The following ITPRID1 variants were observed in gnomAD, a reference collection of about 807,000 sequenced individuals.
ITPRID1 encodes ITPR interacting domain containing 1.
Under a neutral mutation model 95.4 loss-of-function variants are expected in ITPRID1, and 96 were observed. That is an observed-to-expected ratio of 1.01 (90% CI 0.85 to 1.19). The LOEUF (loss-of-function observed/expected upper bound fraction) is 1.19. ITPRID1 is among the 50% of genes most tolerant of loss of function. The pLI, the probability that ITPRID1 is intolerant of heterozygous loss-of-function variation, is 0.00. For missense variants in ITPRID1, 1,339 were observed against 1,252.9 expected (o/e 1.07, Z -1.04); for synonymous variants, 510 against 453.6 (o/e 1.12, Z -1.58).
At chr7:31,652,165 C>A in intron 14 of ITPRID1, 115 bp downstream of exon 14, 1 of 824,378 alleles carries the variant, frequency 1.2e-6, no homozygotes, top group Non-Finnish European at 2.0e-6. Context: ...ATGCCAACAC[C>A]TTCATTTTAA....
In ITPRID1 at chr7:31,558,832, T is replaced by G. The variant is rs1583496639; in HGVS notation, c.256+3931T>G. ...TGTCATTAAGTTTATCTCTAACTTT[T>G]CTTTACTTCTGTGAGCCAATTTTGG... On this transcript the variant is annotated intron_variant, in intron 5 of 14. Transcript: ENST00000615280. Among the ~76,000 whole-genome samples, 3 of 152,130 alleles carry G rather than the reference T, an allele frequency of 2.0e-5. 1 individual carries two copies. Among genetic ancestry groups the G allele is most frequent in the South Asian group, 4.2e-4 (2 of 4,782 alleles).
intron 2 of ITPRID1, among the ~76,000 whole-genome samples, chr7:31,551,552 T>G (rs1214717871): frequency 7.0e-6 from 1 of 143,758 alleles, no homozygotes; most frequent in Non-Finnish European, 1.6e-5. Context: ...TCTTCATTTT[T>G]GTTTTTTAAC....
At chr7:31,621,204 C>T (rs1787851177) in intron 10 of ITPRID1, among the ~76,000 whole-genome samples, 1 of 152,078 alleles carries the variant, frequency 6.6e-6, no homozygotes, top group Non-Finnish European at 1.5e-5. Context: ...TCCAGGAGAA[C>T]TTCCCCAATC....
chr7:31,593,143 A>G (rs1785938370), intron 10 of ITPRID1, among the ~76,000 whole-genome samples: 1 of 152,042 alleles, frequency 6.6e-6, no homozygotes, highest in African/African-American at 2.4e-5. Context: ...CATCGCTACT[A>G]AAAATACAAA....
intron 1 of ITPRID1, among the ~76,000 whole-genome samples, chr7:31,516,359 T>C (rs1195572551): frequency 1.3e-5 from 2 of 152,242 alleles, no homozygotes; most frequent in Non-Finnish European, 2.9e-5. Flanking sequence ...TATCAAACCT[T>C]AGACTCTATA....
chr7:31,521,046 AT>A (rs1290787957), intron 1 of ITPRID1, among the ~76,000 whole-genome samples: 1 of 134,594 alleles, frequency 7.4e-6, no homozygotes, highest in East Asian at 2.4e-4. Context: ...GGTTTCATTG[AT>A]TTTTTTTCAT....
At position 31,581,030 on chromosome 7, in the gene ITPRID1, A is replaced by C. The variant is rs190795541; in HGVS notation, c.1171-2104A>C. Among the ~76,000 whole-genome samples, 793 of 152,356 alleles carry C rather than the reference A, an allele frequency of 5.2e-3. 4 individuals carry two copies. The highest frequency in any genetic ancestry group is 9.1e-3 in the Non-Finnish European group (620 of 68,028). On this transcript the variant is annotated intron_variant, in intron 9 of 14. Coordinates refer to ENST00000615280, the MANE Select transcript of ITPRID1 (RefSeq NM_001257967.3). ...GTGGATGAGTAAATGAAGCTTGGGTAGATTGCATCTTAAACAGAAGCCAAT... is the reference window on the plus strand; with the variant it reads ...GTGGATGAGTAAATGAAGCTTGGGTCGATTGCATCTTAAACAGAAGCCAAT...
At chr7:31,603,220 C>A (rs895210698) in intron 10 of ITPRID1, among the ~76,000 whole-genome samples, 7 of 152,120 alleles carry the variant, frequency 4.6e-5, no homozygotes, top group Non-Finnish European at 7.4e-5. Context: ...TGACATGGAA[C>A]CTCACTATTA....
chr7:31,582,513 A>G (rs899310257), intron 9 of ITPRID1, among the ~76,000 whole-genome samples: 1 of 152,114 alleles, frequency 6.6e-6, no homozygotes, highest in Non-Finnish European at 1.5e-5. Context: ...TGCCTCCCAA[A>G]GTGTTGAGAT....
At chr7:31,566,364 C>T (rs930302058) in intron 5 of ITPRID1, among the ~76,000 whole-genome samples, 1 of 152,176 alleles carries the variant, frequency 6.6e-6, no homozygotes, top group Non-Finnish European at 1.5e-5. Flanking sequence ...CTAGGAAACC[C>T]AGAGCAATAG....
chr7:31,638,438 C>T (rs948774263), intron 10 of ITPRID1, among the ~76,000 whole-genome samples: 6 of 152,094 alleles, frequency 3.9e-5, no homozygotes, highest in Admixed American at 6.5e-5. Flanking sequence ...ACAAACTATC[C>T]GGTTTTATAA....
chr7:31,611,592 A>AATTCTAT (rs56884010), intron 10 of ITPRID1, among the ~76,000 whole-genome samples: 25 of 151,754 alleles, frequency 1.6e-4, no homozygotes, highest in Admixed American at 1.5e-3. Context: ...TATTCTATAG[A>AATTCTAT]ATTCTATATT....
intron 2 of ITPRID1, among the ~76,000 whole-genome samples, chr7:31,552,084 G>C (rs554218779): frequency 1.4e-5 from 2 of 143,324 alleles, no homozygotes; most frequent in African/African-American, 4.9e-5. Flanking sequence ...TGCGGAGACC[G>C]AACAATTTCT....
At chr7:31,630,238 AC>A (rs1456016010) in intron 10 of ITPRID1, among the ~76,000 whole-genome samples, 1 of 53,808 alleles carries the variant, frequency 1.9e-5, no homozygotes. Context: ...AATAGAGTCT[AC>A]TTGGCAAAAA....
chr7:31,516,265 C>T (rs1239033113), intron 1 of ITPRID1, among the ~76,000 whole-genome samples: 3 of 151,954 alleles, frequency 2.0e-5, no homozygotes, highest in Admixed American at 6.6e-5. Flanking sequence ...AAGGTTTCTG[C>T]GTGTGTGTGC....
chr7:31,572,748 TA>T (rs1205956213), intron 7 of ITPRID1, among the ~76,000 whole-genome samples: 6 of 152,166 alleles, frequency 3.9e-5, no homozygotes, highest in Non-Finnish European at 8.8e-5. Flanking sequence ...CATTAAGTAT[TA>T]CTTAAAAAGT....
intron 2 of ITPRID1, among the ~76,000 whole-genome samples, chr7:31,549,827 T>C (rs1784223936): frequency 6.6e-6 from 1 of 152,132 alleles, no homozygotes; most frequent in South Asian, 2.1e-4. Flanking sequence ...TAAAACACAG[T>C]CTGTATTCTC....
chr7:31,537,940 T>G (rs1783812460), intron 1 of ITPRID1, among the ~76,000 whole-genome samples: 1 of 152,148 alleles, frequency 6.6e-6, no homozygotes, highest in Non-Finnish European at 1.5e-5. Context: ...CTGGGACAAA[T>G]CAAGAACCAT....
chr7:31,617,581 C>A (rs1195232559), intron 10 of ITPRID1, among the ~76,000 whole-genome samples: 1 of 151,984 alleles, frequency 6.6e-6, no homozygotes, highest in African/African-American at 2.4e-5. Context: ...CCTGATTAGT[C>A]TCTTCCATTA....
Sources: gnomAD v4.1 joint callset for allele counts (sites outside exome capture counted in the v4.1 genomes callset) on GRCh38, gnomAD v4.1.1 for gene constraint, MANE v1.5 for transcripts, NCBI Gene and HGNC (gene_info 2026-07-23, HGNC 2026-07-21) for gene names.